TMTC1: variants seen among roughly 807,000 people sequenced by gnomAD.
TMTC1 encodes the protein transmembrane O-mannosyltransferase targeting cadherins 1.
A neutral mutation model predicts 104.8 loss-of-function variants in TMTC1; 73 were observed. That is an observed-to-expected ratio of 0.70 (90% CI 0.58 to 0.85). The LOEUF is 0.85. TMTC1 is among the 40% of genes least tolerant of loss of function. The pLI is 0.00. For missense variants in TMTC1, 1,035 were observed against 1,096.1 expected (o/e 0.94, Z 0.79); for synonymous variants, 434 against 428.7 (o/e 1.01, Z -0.15).
intron 8 of TMTC1, among the ~76,000 whole-genome samples, chr12:29,582,585 T>C (rs897205909): frequency 6.6e-6 from 1 of 152,270 alleles, no homozygotes; most frequent in Admixed American, 6.5e-5. Flanking sequence ...TTTCCTGTCT[T>C]GGGTGTGCCG....
rs530502203 is a variant in TMTC1 at position 29,564,862 on chromosome 12, G to A, written c.1532+7243C>T. Among the ~76,000 whole-genome samples the A allele has an allele frequency of 3.3e-5, 5 of 152,220 alleles. No individual in the cohort carries two copies. In the South Asian group the frequency reaches 8.3e-4, roughly 25 times the overall value. On this transcript the variant is annotated intron_variant, in intron 9 of 17. Coordinates refer to ENST00000539277, the MANE Select transcript of TMTC1 (RefSeq NM_001193451.2). ...TATTAATGGGAAAGTGCCAGGTGAAGGGGAGGAAGCAAAGGATTTAAACAG... is the reference window on the plus strand; with the variant it reads ...TATTAATGGGAAAGTGCCAGGTGAAAGGGAGGAAGCAAAGGATTTAAACAG...
At chr12:29,703,775 A>C (rs567814488) in intron 5 of TMTC1, among the ~76,000 whole-genome samples, 1 of 152,370 alleles carries the variant, frequency 6.6e-6, no homozygotes, top group East Asian at 1.9e-4. Flanking sequence ...ACTCACTCAT[A>C]AATTTGTATA....
At chr12:29,599,887 T>C (rs1234444114) in intron 7 of TMTC1, among the ~76,000 whole-genome samples, 2 of 150,622 alleles carry the variant, frequency 1.3e-5, no homozygotes, top group East Asian at 3.9e-4. Flanking sequence ...ACACCATATA[T>C]ATGTGTATAT....
At chr12:29,516,539 T>C in intron 14 of TMTC1, 53 bp from the exon 15 acceptor site, 4 of 1,555,204 alleles carry the variant, frequency 2.6e-6, no homozygotes, top group Non-Finnish European at 8.7e-7. Flanking sequence ...CCTTATCAAA[T>C]AAAGCATCCC....
At chr12:29,738,107 CA>C (rs1942729684) in intron 5 of TMTC1, among the ~76,000 whole-genome samples, 1 of 152,152 alleles carries the variant, frequency 6.6e-6, no homozygotes, top group Non-Finnish European at 1.5e-5. Flanking sequence ...AGAGTCTTCA[CA>C]TATGTCACAT....
At chr12:29,782,310 T>C (rs1401336856) in intron 1 of TMTC1, among the ~76,000 whole-genome samples, 1 of 152,234 alleles carries the variant, frequency 6.6e-6, no homozygotes, top group Non-Finnish European at 1.5e-5. Context: ...CAAAAGCCCA[T>C]GAATTGTTGC....
intron 6 of TMTC1, among the ~76,000 whole-genome samples, chr12:29,632,552 C>T (rs1214952245): frequency 6.6e-6 from 1 of 152,170 alleles, no homozygotes; most frequent in Non-Finnish European, 1.5e-5. Flanking sequence ...ATGTTTGCTT[C>T]CCCTTCTGCC....
chr12:29,751,904 T>A, intron 4 of TMTC1, 32 bp from the exon 5 acceptor site: 1 of 1,502,580 alleles, frequency 6.7e-7, no homozygotes, highest in Non-Finnish European at 8.9e-7. Flanking sequence ...GAAAACAAAG[T>A]CAACCAGAAT....
chr12:29,666,693 G>A (rs1161934620), intron 5 of TMTC1, among the ~76,000 whole-genome samples: 3 of 152,102 alleles, frequency 2.0e-5, no homozygotes, highest in African/African-American at 7.2e-5. Flanking sequence ...GAATACTAAT[G>A]ATTTCAATGA....
intron 5 of TMTC1, among the ~76,000 whole-genome samples, chr12:29,656,944 A>G (rs532261627): frequency 6.6e-6 from 1 of 152,342 alleles, no homozygotes; most frequent in South Asian, 2.1e-4. Flanking sequence ...TGTGAGTCAG[A>G]TATCAGCGAC....
At chr12:29,632,176 C>T (rs961086701) in intron 6 of TMTC1, among the ~76,000 whole-genome samples, 2 of 152,110 alleles carry the variant, frequency 1.3e-5, no homozygotes, top group Non-Finnish European at 2.9e-5. Context: ...CAAAGTTTAC[C>T]AGCCAATTCC....
At chr12:29,611,926 AGCC>A (rs1379328720) in intron 6 of TMTC1, among the ~76,000 whole-genome samples, 1 of 152,194 alleles carries the variant, frequency 6.6e-6, no homozygotes, top group Non-Finnish European at 1.5e-5. Context: ...GGCCCACTGA[AGCC>A]TCATGATAAT....
At chr12:29,566,112 A>G (rs1394919972) in intron 9 of TMTC1, among the ~76,000 whole-genome samples, 2 of 152,094 alleles carry the variant, frequency 1.3e-5, no homozygotes, top group African/African-American at 2.4e-5. Context: ...TGTGGTCTTC[A>G]GTGGGGTGGC....
intron 5 of TMTC1, among the ~76,000 whole-genome samples, chr12:29,660,323 C>G (rs1369778840): frequency 6.6e-6 from 1 of 152,188 alleles, no homozygotes; most frequent in Non-Finnish European, 1.5e-5. Flanking sequence ...GATGAACTGG[C>G]TCAGACGATA....
At chr12:29,762,982 A>T (rs1943386673) in intron 2 of TMTC1, among the ~76,000 whole-genome samples, 1 of 152,254 alleles carries the variant, frequency 6.6e-6, no homozygotes, top group African/African-American at 2.4e-5. Flanking sequence ...CAGTCTTGAG[A>T]TAAGCCTAAG....
intron 5 of TMTC1, among the ~76,000 whole-genome samples, chr12:29,678,494 C>A (rs1182993602): frequency 3.3e-5 from 5 of 152,146 alleles, no homozygotes; most frequent in Admixed American, 2.0e-4. Context: ...GACCTCCAGC[C>A]ATTGTTTGAA....
intron 8 of TMTC1, among the ~76,000 whole-genome samples, chr12:29,573,586 C>G (rs1736420098): frequency 6.6e-6 from 1 of 152,040 alleles, no homozygotes; most frequent in African/African-American, 2.4e-5. Context: ...CATGCTTATC[C>G]CAGAATGGGA....
chr12:29,506,658 G>T lies in TMTC1; in HGVS notation c.*188C>A. 1 of 628,560 alleles carries T rather than the reference G, an allele frequency of 1.6e-6. No individual in the cohort carries two copies. Among genetic ancestry groups the T allele is most frequent in the Non-Finnish European group, 2.7e-6 (1 of 364,744 alleles). The allele number at this position is 628,560 out of a possible 1,614,324, so 38.9% of individuals were successfully genotyped here. ...CTTCTTGCCCTTGTTTGCTGTTTTC[G>T]TCTTCTTCATGGAAAAGCAAGTCCT... On this transcript the variant is annotated 3_prime_UTR_variant, in exon 18 of 18. Transcript: ENST00000539277.
intron 5 of TMTC1, chr12:29,660,796 A>ATATG: frequency 8.6e-7 from 1 of 1,166,748 alleles, no homozygotes; most frequent in Non-Finnish European, 1.2e-6. Flanking sequence ...ATATATATAT[A>ATATG]TACTTACATA....
Sources: allele counts gnomAD v4.1 joint callset (sites outside exome capture counted in the v4.1 genomes callset), GRCh38; gene constraint gnomAD v4.1.1; transcripts MANE v1.5; gene names NCBI Gene and HGNC (gene_info 2026-07-23, HGNC 2026-07-21).